TBL1XR1: variants seen among roughly 807,000 people sequenced by gnomAD.
The protein encoded by TBL1XR1 is F-box-like/WD repeat-containing protein TBL1XR1.
Under a neutral mutation model 66.9 loss-of-function variants are expected in TBL1XR1, and 5 were observed. That is an observed-to-expected ratio of 0.07 (90% CI 0.04 to 0.16). The LOEUF (loss-of-function observed/expected upper bound fraction) is 0.16. Ranked by LOEUF, TBL1XR1 falls within the 10% of genes least tolerant of loss-of-function variation. The pLI, the probability that TBL1XR1 is intolerant of heterozygous loss-of-function variation, is 1.00. For missense variants in TBL1XR1, 238 were observed against 623.2 expected, an observed-to-expected ratio of 0.38 and a Z score of 6.58; for synonymous variants, 210 against 206.0, an observed-to-expected ratio of 1.02 and a Z score of -0.17.
At chr3:177,067,419 C>T (rs1018580803) in intron 2 of TBL1XR1, among the ~76,000 whole-genome samples, 4 of 152,164 alleles carry the variant, frequency 2.6e-5, no homozygotes, top group African/African-American at 9.7e-5. Context: ...AAAGGTTTTT[C>T]ACAATGCTCA....
At chr3:177,027,497 C>G (rs560297239) in intron 14 of TBL1XR1, 1 of 152,278 alleles carries the variant, frequency 6.6e-6, no homozygotes, top group East Asian at 1.9e-4. Flanking sequence ...GGACAAAGAT[C>G]AGAGGTCCTG....
chr3:177,031,340 ATT>A (rs1260157005), intron 14 of TBL1XR1, among the ~76,000 whole-genome samples: 1 of 145,260 alleles, frequency 6.9e-6, no homozygotes. Context: ...CTTAATTTTT[ATT>A]TTTTTTTTTT....
intron 1 of TBL1XR1, chr3:177,171,297 A>C (rs549565349): frequency 6.6e-6 from 1 of 151,638 alleles, no homozygotes; most frequent in East Asian, 2.0e-4. Context: ...CTGAGATCGC[A>C]CCATTGCACT....
intron 1 of TBL1XR1, among the ~76,000 whole-genome samples, chr3:177,146,617 A>G (rs1421783657): frequency 6.7e-6 from 1 of 149,338 alleles, no homozygotes; most frequent in Non-Finnish European, 1.5e-5. Flanking sequence ...AGTTGTATTC[A>G]CTACTACTTT....
intron 10 of TBL1XR1, among the ~76,000 whole-genome samples, chr3:177,039,944 T>C (rs936283425): frequency 1.3e-5 from 2 of 152,258 alleles, no homozygotes. Flanking sequence ...TGAGATCTTA[T>C]GGCCTACAAT....
chr3:177,183,749 G>A (rs931804389), intron 1 of TBL1XR1, among the ~76,000 whole-genome samples: 1 of 151,588 alleles, frequency 6.6e-6, no homozygotes, highest in Non-Finnish European at 1.5e-5. Context: ...ACAGGCATGA[G>A]CCACTGCGCC....
chr3:177,155,070 T>A (rs1731330440), intron 1 of TBL1XR1, among the ~76,000 whole-genome samples: 2 of 152,074 alleles, frequency 1.3e-5, no homozygotes. Flanking sequence ...CTGAAGTATA[T>A]GAAAAGAGAA....
At chr3:177,181,096 T>C (rs1455227182) in intron 1 of TBL1XR1, among the ~76,000 whole-genome samples, 2 of 152,126 alleles carry the variant, frequency 1.3e-5, no homozygotes, top group African/African-American at 2.4e-5. Context: ...TTGCCTCAGC[T>C]CACTCTGACA....
At chr3:177,069,687 C>A (rs540809644) in intron 2 of TBL1XR1, among the ~76,000 whole-genome samples, 2 of 151,418 alleles carry the variant, frequency 1.3e-5, no homozygotes, top group South Asian at 2.1e-4. Flanking sequence ...TACAGTGAGC[C>A]GAGATCGCAC....
At chr3:177,164,350 A>ATTT (rs34088456) in intron 1 of TBL1XR1, among the ~76,000 whole-genome samples, 2 of 142,802 alleles carry the variant, frequency 1.4e-5, no homozygotes, top group Non-Finnish European at 1.5e-5. Context: ...CCTATTTTCA[A>ATTT]TTTTTTTTTT....
chr3:177,172,617 A>AT (rs201812818), intron 1 of TBL1XR1, among the ~76,000 whole-genome samples: 2,096 of 142,956 alleles, frequency 0.015, 52 homozygotes, highest in African/African-American at 0.051. Flanking sequence ...CAAGACCCTC[A>AT]TCTCAAGAAA....
intron 1 of TBL1XR1, among the ~76,000 whole-genome samples, chr3:177,154,567 T>A (rs1206090762): frequency 6.6e-6 from 1 of 152,126 alleles, no homozygotes; most frequent in Admixed American, 6.6e-5. Context: ...CAGCTAATTT[T>A]TGTTTTTTTA....
intron 1 of TBL1XR1, among the ~76,000 whole-genome samples, chr3:177,113,169 G>GA (rs1725864584): frequency 6.6e-6 from 1 of 152,034 alleles, no homozygotes; most frequent in Admixed American, 6.6e-5. Context: ...TTCACATGTA[G>GA]AAAAATGAAA....
chr3:177,118,160 T>A (rs1421939339), intron 1 of TBL1XR1, among the ~76,000 whole-genome samples: 1 of 152,204 alleles, frequency 6.6e-6, no homozygotes. Context: ...TCTAAGAAAC[T>A]AGTTCTATTC....
intron 2 of TBL1XR1, among the ~76,000 whole-genome samples, chr3:177,077,497 T>C (rs1720834843): frequency 6.6e-6 from 1 of 152,196 alleles, no homozygotes; most frequent in Non-Finnish European, 1.5e-5. Context: ...TTCTAAAATG[T>C]ATCCAACACC....
At chr3:177,085,625 G>A (rs1722023967) in intron 2 of TBL1XR1, among the ~76,000 whole-genome samples, 1 of 151,892 alleles carries the variant, frequency 6.6e-6, no homozygotes, top group South Asian at 2.1e-4. Context: ...AAAAAATATG[G>A]GAAAAAATTC....
At chr3:177,181,968 C>T (rs991531516) in intron 1 of TBL1XR1, among the ~76,000 whole-genome samples, 1 of 152,166 alleles carries the variant, frequency 6.6e-6, no homozygotes, top group Admixed American at 6.5e-5. Context: ...ATCTTTTACC[C>T]ACATTTTGAG....
intron 1 of TBL1XR1, among the ~76,000 whole-genome samples, chr3:177,178,960 T>C (rs1734475228): frequency 1.3e-5 from 2 of 151,706 alleles, no homozygotes; most frequent in African/African-American, 2.4e-5. Flanking sequence ...CTACTAAAAA[T>C]ACAAAAATTA....
intron 12 of TBL1XR1, among the ~76,000 whole-genome samples, chr3:177,034,771 G>A (rs10084754): frequency 0.26 from 39,089 of 150,644 alleles, 5,507 homozygotes; most frequent in East Asian, 0.5. Flanking sequence ...GTAAAAAGTA[G>A]CATAGGAAAT....
Sources: gnomAD v4.1 joint callset for allele counts (sites outside exome capture counted in the v4.1 genomes callset) on GRCh38, gnomAD v4.1.1 for gene constraint, MANE v1.5 for transcripts, NCBI Gene and HGNC (gene_info 2026-07-23, HGNC 2026-07-21) for gene names.